RNASET2: variants seen among roughly 807,000 people sequenced by gnomAD.
RNASET2 encodes ribonuclease T2.
RNASET2 carries 28 observed loss-of-function variants against 33.9 expected under a neutral mutation model. The observed-to-expected ratio is 0.83, with a 90% confidence interval of 0.61 to 1.13. The LOEUF is 1.13. RNASET2 is among the 50% of genes most tolerant of loss of function. RNASET2 has a pLI of 0.00. For missense variants in RNASET2, 330 were observed against 319.9 expected, an observed-to-expected ratio of 1.03 and a Z score of -0.24; for synonymous variants, 123 against 121.0, an observed-to-expected ratio of 1.02 and a Z score of -0.11.
intron 1 of RNASET2, 95 bp from the exon 2 acceptor site, chr6:166,952,643 C>G: frequency 1.1e-6 from 1 of 944,046 alleles, no homozygotes; most frequent in Non-Finnish European, 1.7e-6. Context: ...ATTCATTCAG[C>G]ACTGAGTGCT....
Position 166,945,830 on chromosome 6 carries a change from C to CAA in RNASET2, c.261+850_261+851dup, listed in dbSNP as rs770959298. Among the ~76,000 whole-genome samples the CAA allele has an allele frequency of 5.7e-4, 41 of 72,456 alleles. 1 individual carries two copies. The highest frequency in any genetic ancestry group is 3.4e-3 in the Admixed American group (24 of 7,022). 47.5% of individuals were successfully genotyped at this position (72,456 alleles called of 152,430 possible). A position where few individuals can be genotyped will look rare whatever the true frequency, so the allele number is the denominator to read the frequency against. On this transcript the variant is annotated intron_variant, in intron 4 of 8. Transcript: ENST00000508775. ...GGGCAACAAGAGCAAAACTCTGTCT[C>CAA]AAAAAAAAAAAAAAAAAGAAAAGAA...
At chr6:166,949,755 G>A (rs2128646971) in intron 2 of RNASET2, among the ~76,000 whole-genome samples, 1 of 152,280 alleles carries the variant, frequency 6.6e-6, no homozygotes, top group East Asian at 1.9e-4. Flanking sequence ...GCAATGCAGA[G>A]AGCAAAGCCT....
chr6:166,923,228 C>CTTTTTTTTTTTTTTTTTTTTTTT lies in RNASET2; in HGVS notation c.*6359_*6360insAAAAAAAAAAAAAAAAAAAAAAA, dbSNP rs576639665. Reference sequence around the variant, plus strand: ...ACAGGCGTGAGCCACCAGGCCCGGCCTTTTTTTTTTTTTTTTTTTTTGAGA... The same window carrying CTTTTTTTTTTTTTTTTTTTTTTT: ...ACAGGCGTGAGCCACCAGGCCCGGCCTTTTTTTTTTTTTTTTTTTTTTTTTTTTTTTTTTTTTTTTTTTTGAGA... On this transcript the variant is annotated 3_prime_UTR_variant, in exon 9 of 9. Transcript: ENST00000508775. Among the ~76,000 whole-genome samples the CTTTTTTTTTTTTTTTTTTTTTTT allele has an allele frequency of 4.9e-5, 5 of 102,660 alleles. No homozygotes were observed. Among genetic ancestry groups the CTTTTTTTTTTTTTTTTTTTTTTT allele is most frequent in the African/African-American group, 1.0e-4 (2 of 19,136 alleles). 67.3% of individuals were successfully genotyped at this position (102,660 alleles called of 152,430 possible).
intron 7 of RNASET2, chr6:166,932,606 G>A (rs958501735): frequency 1.4e-4 from 22 of 152,250 alleles, no homozygotes; most frequent in African/African-American, 4.1e-4. Context: ...GAGTGGATAC[G>A]TGGCTGGATG....
chr6:166,943,505 G>A, intron 4 of RNASET2: 1 of 331,978 alleles, frequency 3.0e-6, no homozygotes, highest in South Asian at 2.4e-5. Flanking sequence ...GTAGTCTTAA[G>A]AGACAGGAAT....
Position 166,922,494 on chromosome 6 carries a change from G to C in RNASET2, c.*7094C>G, listed in dbSNP as rs1778249956. 6.6e-6 allele frequency among the ~76,000 whole-genome samples: 1 copy of C among 152,172 alleles called. No individual in the cohort carries two copies. Among genetic ancestry groups the C allele is most frequent in the African/African-American group, 2.4e-5 (1 of 41,442 alleles). The stretch of plus-strand genomic sequence containing the variant: ...TAAGTGGAATGATTAACCTGGAGGA[G>C]ACTCCAATCAACCTGAATAGAGTCC... On this transcript the variant is annotated 3_prime_UTR_variant, in exon 9 of 9. Coordinates refer to ENST00000508775, the MANE Select transcript of RNASET2 (RefSeq NM_003730.6).
chr6:166,944,376 T>C (rs1174471577), intron 4 of RNASET2, among the ~76,000 whole-genome samples: 3 of 152,006 alleles, frequency 2.0e-5, no homozygotes, highest in Non-Finnish European at 4.4e-5. Context: ...CAGCACCCTA[T>C]ATGAGGGTCC....
intron 8 of RNASET2, 151 bp downstream of exon 8, chr6:166,930,893 C>T: frequency 4.2e-6 from 3 of 713,182 alleles, no homozygotes; most frequent in Non-Finnish European, 5.1e-6. Context: ...TACACACACA[C>T]ATGCACACAC....
intron 2 of RNASET2, among the ~76,000 whole-genome samples, chr6:166,950,873 G>A (rs1178626553): frequency 6.6e-6 from 1 of 152,222 alleles, no homozygotes; most frequent in African/African-American, 2.4e-5. Context: ...ATACATGGAG[G>A]GATGTAGGGA....
chr6:166,954,940 G>T (rs957592352), intron 1 of RNASET2, among the ~76,000 whole-genome samples: 1 of 152,090 alleles, frequency 6.6e-6, no homozygotes, highest in East Asian at 1.9e-4. Context: ...GCAGTGAGCT[G>T]AGGTCACGCC....
rs1056806173 is a variant in RNASET2 at position 166,923,228 on chromosome 6, C to A, written c.*6360G>T. ...ACAGGCGTGAGCCACCAGGCCCGGC[C>A]TTTTTTTTTTTTTTTTTTTTTGAGA... On this transcript the variant is annotated 3_prime_UTR_variant, in exon 9 of 9. Transcript: ENST00000508775. 9.7e-6 allele frequency among the ~76,000 whole-genome samples: 1 copy of A among 102,672 alleles called. No individual in the cohort carries two copies. The highest frequency in any genetic ancestry group is 1.8e-5 in the Non-Finnish European group (1 of 54,584). 67.4% of individuals were successfully genotyped at this position (102,672 alleles called of 152,430 possible).
chr6:166,930,243 A>G (rs996382394), intron 8 of RNASET2, among the ~76,000 whole-genome samples: 1 of 152,262 alleles, frequency 6.6e-6, no homozygotes, highest in Admixed American at 6.5e-5. Flanking sequence ...CAAGAAGACA[A>G]ACCCTGTCCT....
At position 166,926,879 on chromosome 6, in the gene RNASET2, C is replaced by T. The variant is rs546446255; in HGVS notation, c.*2709G>A. 3.3e-5 allele frequency among the ~76,000 whole-genome samples: 5 copies of T among 152,354 alleles called. No homozygotes were observed. The highest frequency in any genetic ancestry group is 1.9e-4 in the East Asian group (1 of 5,176). ...GTGCCGCAGAGATGCTCCAGGCAGA[C>T]GCCTGCTCTGGCTGAGACCCGGGCC... On this transcript the variant is annotated 3_prime_UTR_variant, in exon 9 of 9. Transcript: ENST00000508775.
chr6:166,923,139 G>C lies in RNASET2; in HGVS notation c.*6449C>G, dbSNP rs1032360891. ...GTCTCACTCTGTTGCCCAGGCTGGA[G>C]GGTGGAGCGCAGTGGCGCAATCTCC... On this transcript the variant is annotated 3_prime_UTR_variant, in exon 9 of 9. Transcript: ENST00000508775. 1.3e-5 allele frequency among the ~76,000 whole-genome samples: 2 copies of C among 152,086 alleles called. No individual in the cohort carries two copies. Among genetic ancestry groups the C allele is most frequent in the African/African-American group, 4.8e-5 (2 of 41,388 alleles).
chr6:166,954,933 G>T (rs190278212), intron 1 of RNASET2, among the ~76,000 whole-genome samples: 1 of 152,134 alleles, frequency 6.6e-6, no homozygotes, highest in South Asian at 2.1e-4. Flanking sequence ...GGAGGTTGCA[G>T]TGAGCTGAGG....
chr6:166,944,705 A>G (rs1263986163), intron 4 of RNASET2, among the ~76,000 whole-genome samples: 1 of 148,148 alleles, frequency 6.8e-6, no homozygotes, highest in Non-Finnish European at 1.5e-5. Context: ...AAAGCATTTC[A>G]GCTTTCCTGT....
At position 166,933,922 on chromosome 6, in the gene RNASET2, C is replaced by T. The variant is rs1778504835; in HGVS notation, c.492+169G>A. The T allele has an allele frequency of 8.9e-6, 6 of 676,726 alleles. No homozygotes were observed. Among genetic ancestry groups the T allele is most frequent in the Non-Finnish European group, 1.6e-5 (6 of 372,264 alleles). The allele number at this position is 676,726 out of a possible 1,614,324, so 41.9% of individuals were successfully genotyped here. A position where few individuals can be genotyped will look rare whatever the true frequency, so the allele number is the denominator to read the frequency against. ...TAAGCAGCCTTCAGCTCCTACTCAA[C>T]ATGCGCAGGAAAATAAAATGCAAAT... On this transcript the variant is annotated intron_variant, in intron 7 of 8. Transcript: ENST00000508775. The surrounding 1 kb of genome is among the most constrained non-coding windows in gnomAD (Gnocchi z 4.1).
chr6:166,955,177 A>ACG (rs779518277), intron 1 of RNASET2, among the ~76,000 whole-genome samples: 1 of 112,268 alleles, frequency 8.9e-6, no homozygotes, highest in Non-Finnish European at 1.7e-5. Flanking sequence ...GGCGGCTGCC[A>ACG]CACACACACA....
chr6:166,955,288 A>ACGCACAGACG (rs1405785458), intron 1 of RNASET2, among the ~76,000 whole-genome samples: 1 of 68,394 alleles, frequency 1.5e-5, no homozygotes, highest in Non-Finnish European at 2.5e-5. Context: ...CACGACACAC[A>ACGCACAGACG]CGCACAGACG....
Sources: gnomAD v4.1 joint callset for allele counts (sites outside exome capture counted in the v4.1 genomes callset) on GRCh38, gnomAD v4.1.1 for gene constraint, Gnocchi (gnomAD v3.1) non-coding constraint, MANE v1.5 for transcripts, NCBI Gene and HGNC (gene_info 2026-07-23, HGNC 2026-07-21) for gene names.